Variants in NETO1 observed in about 807,000 individuals in gnomAD.
NETO1 encodes the protein neuropilin and tolloid-like protein 1.
NETO1 carries 26 observed loss-of-function variants against 61.3 expected under a neutral mutation model. That is an observed-to-expected ratio of 0.42 (90% CI 0.31 to 0.59). The LOEUF is 0.59. Ranked by LOEUF, NETO1 falls within the 20% of genes least tolerant of loss-of-function variation. The probability of loss-of-function intolerance (pLI) is 0.12; values close to 1 mark genes in which losing one functional copy is unlikely to be tolerated. For synonymous variants in NETO1, 225 were observed against 225.8 expected (o/e 1.00, Z 0.03); for missense variants, 531 against 662.8 (o/e 0.80, Z 2.18).
At chr18:72,810,856 T>A (rs1202893785) in intron 4 of NETO1, among the ~76,000 whole-genome samples, 2 of 152,186 alleles carry the variant, frequency 1.3e-5, no homozygotes, top group African/African-American at 4.8e-5. Flanking sequence ...TCGGTGATGT[T>A]AGAAGGAAAG....
chr18:72,864,728 C>A (rs531243976), intron 3 of NETO1, 80 bp downstream of exon 3: 25 of 1,563,482 alleles, frequency 1.6e-5, no homozygotes, highest in East Asian at 4.5e-5. Flanking sequence ...AATGCCTATA[C>A]GCATATTCTT....
At chr18:72,829,754 A>C (rs900667806) in intron 4 of NETO1, among the ~76,000 whole-genome samples, 3 of 152,172 alleles carry the variant, frequency 2.0e-5, no homozygotes, top group Admixed American at 6.5e-5. Flanking sequence ...CACCTCTTAA[A>C]TGGAGGGAGT....
At chr18:72,852,416 C>T (rs1382224260) in intron 4 of NETO1, among the ~76,000 whole-genome samples, 1 of 152,158 alleles carries the variant, frequency 6.6e-6, no homozygotes, top group Non-Finnish European at 1.5e-5. Flanking sequence ...AGGGTTTCAC[C>T]GTGTTAGCCA....
chr18:72,854,778 T>C (rs1476416917), intron 4 of NETO1, among the ~76,000 whole-genome samples: 1 of 152,222 alleles, frequency 6.6e-6, no homozygotes, highest in African/African-American at 2.4e-5. Context: ...TTCTATTTTT[T>C]TGTTTTTTGA....
chr18:72,825,124 G>C (rs1000911375), intron 4 of NETO1, among the ~76,000 whole-genome samples: 1 of 152,124 alleles, frequency 6.6e-6, no homozygotes, highest in Non-Finnish European at 1.5e-5. Flanking sequence ...AACATGATTA[G>C]CAAGAGTTAG....
chr18:72,793,318 C>G (rs1343106202), intron 6 of NETO1, among the ~76,000 whole-genome samples: 1 of 152,096 alleles, frequency 6.6e-6, no homozygotes, highest in Admixed American at 6.6e-5. Context: ...ACCTGTGACA[C>G]CTGCTGGCAC....
intron 7 of NETO1, among the ~76,000 whole-genome samples, chr18:72,768,783 T>C (rs930504979): frequency 3.9e-5 from 6 of 152,130 alleles, no homozygotes; most frequent in African/African-American, 1.4e-4. Context: ...GAAGGAAATG[T>C]ACTCTACACT....
At chr18:72,819,338 T>C (rs2073122473) in intron 4 of NETO1, among the ~76,000 whole-genome samples, 1 of 152,188 alleles carries the variant, frequency 6.6e-6, no homozygotes, top group Non-Finnish European at 1.5e-5. Flanking sequence ...AACCTTTACA[T>C]ATATCTGCCT....
chr18:72,836,825 G>T (rs920575847), intron 4 of NETO1, among the ~76,000 whole-genome samples: 1 of 152,012 alleles, frequency 6.6e-6, no homozygotes, highest in African/African-American at 2.4e-5. Flanking sequence ...CGTGTATCTC[G>T]GATCTAACTC....
At chr18:72,848,589 A>G (rs2074158597) in intron 4 of NETO1, among the ~76,000 whole-genome samples, 1 of 152,212 alleles carries the variant, frequency 6.6e-6, no homozygotes, top group African/African-American at 2.4e-5. Context: ...AAAGAAAGAA[A>G]GAAATTCACC....
chr18:72,789,238 ACACACACACACATG>A (rs2072032481), intron 6 of NETO1, among the ~76,000 whole-genome samples: 3 of 101,294 alleles, frequency 3.0e-5, no homozygotes, highest in Non-Finnish European at 7.9e-5. Flanking sequence ...ACACACACAC[ACACACACACACATG>A]TGCACAGCAC....
intron 4 of NETO1, among the ~76,000 whole-genome samples, chr18:72,804,796 C>T (rs1051629824): frequency 2.6e-5 from 4 of 152,274 alleles, no homozygotes; most frequent in Non-Finnish European, 2.9e-5. Context: ...ACGCACAGCT[C>T]GACTACCTAA....
At chr18:72,789,210 G>GCGCACACACA (rs1555687344) in intron 6 of NETO1, among the ~76,000 whole-genome samples, 1 of 141,460 alleles carries the variant, frequency 7.1e-6, no homozygotes, top group Non-Finnish European at 1.5e-5. Flanking sequence ...TAACACACAA[G>GCGCACACACA]CACACACACA....
intron 1 of NETO1, chr18:72,866,676 A>C: frequency 2.1e-6 from 2 of 969,720 alleles, no homozygotes; most frequent in Non-Finnish European, 2.5e-6. Context: ...ACTGCCTTTT[A>C]CTCGATGACT....
Position 72,867,250 on chromosome 18 carries a change from G to A in NETO1, c.28+14C>T, listed in dbSNP as rs1294168455. On this transcript the variant is annotated intron_variant, in intron 1 of 10. Coordinates refer to ENST00000327305, the MANE Select transcript of NETO1 (RefSeq NM_138966.5). ...GCTCCGGGAGCGCACGGGCGCGGCGGGGAGGGTACTCACTGTGAAGCACGC... is the reference window on the plus strand; with the variant it reads ...GCTCCGGGAGCGCACGGGCGCGGCGAGGAGGGTACTCACTGTGAAGCACGC... The A allele has an allele frequency of 2.6e-6, 4 of 1,546,888 alleles. No individual in the cohort carries two copies. The highest frequency in any genetic ancestry group is 2.5e-5 in the East Asian group (1 of 40,148).
At chr18:72,850,670 A>C (rs1420401104) in intron 4 of NETO1, among the ~76,000 whole-genome samples, 1 of 152,246 alleles carries the variant, frequency 6.6e-6, no homozygotes, top group Non-Finnish European at 1.5e-5. Flanking sequence ...CCAGTAACTA[A>C]AGACATTGAG....
At chr18:72,828,023 A>T (rs1006171302) in intron 4 of NETO1, among the ~76,000 whole-genome samples, 41 of 152,326 alleles carry the variant, frequency 2.7e-4, no homozygotes, top group Admixed American at 7.2e-4. Context: ...GCAATAAATT[A>T]AAAATGCAGC....
intron 7 of NETO1, among the ~76,000 whole-genome samples, chr18:72,770,674 T>C (rs763305317): frequency 1.2e-4 from 19 of 152,184 alleles, no homozygotes; most frequent in Non-Finnish European, 2.4e-4. Flanking sequence ...AATTTACACT[T>C]TGGCCTAAGT....
intron 7 of NETO1, 21 bp from the exon 8 acceptor site, chr18:72,756,168 A>T: frequency 8.1e-7 from 1 of 1,232,816 alleles, no homozygotes; most frequent in Middle Eastern, 1.9e-4. Context: ...GAAGAACAAG[A>T]CAAAGGAGGA....
Sources: gnomAD v4.1 joint callset for allele counts (sites outside exome capture counted in the v4.1 genomes callset) on GRCh38, gnomAD v4.1.1 for gene constraint, MANE v1.5 for transcripts, NCBI Gene and HGNC (gene_info 2026-07-23, HGNC 2026-07-21) for gene names.